TSPAN33: variants seen among roughly 807,000 people sequenced by gnomAD.
TSPAN33 encodes the protein tetraspanin-33.
TSPAN33 carries 27 observed loss-of-function variants against 34.8 expected under a neutral mutation model. The observed-to-expected ratio is 0.78, with a 90% confidence interval of 0.57 to 1.07. The LOEUF (loss-of-function observed/expected upper bound fraction) is 1.07, where lower values mean the gene tolerates loss of function less well. TSPAN33 is among the 50% of genes least tolerant of loss of function. The pLI is 0.00. For missense variants in TSPAN33, 272 were observed against 324.9 expected (o/e 0.84, Z 1.25); for synonymous variants, 119 against 124.2 (o/e 0.96, Z 0.28).
intron 1 of TSPAN33, among the ~76,000 whole-genome samples, chr7:129,151,707 A>C (rs1810597105): frequency 6.6e-6 from 1 of 152,174 alleles, no homozygotes; most frequent in Non-Finnish European, 1.5e-5. Context: ...TCTCCCATGA[A>C]CATTAGTACC....
intron 4 of TSPAN33, among the ~76,000 whole-genome samples, chr7:129,164,255 C>T: frequency 6.6e-6 from 1 of 152,130 alleles, no homozygotes; most frequent in East Asian, 1.9e-4. Flanking sequence ...CTCTGAAAAG[C>T]TTCAACAGCA....
In TSPAN33 at chr7:129,166,950, A is replaced by G. The variant is rs373258146; in HGVS notation, c.588+44A>G. 16 of 1,597,000 alleles carry G rather than the reference A, an allele frequency of 1.0e-5. No homozygotes were observed. The African/African-American group carries it at 2.0e-4, about 20-fold the overall frequency. The stretch of plus-strand genomic sequence containing the variant: ...TCATTTCCTCCTAGGCAGCGAGCTG[A>G]GTCACTTTCTGATGGGGGCAGCTGC... On this transcript the variant is annotated intron_variant, in intron 6 of 7. Transcript: ENST00000486685.
chr7:129,151,470 T>G (rs1810592780), intron 1 of TSPAN33, among the ~76,000 whole-genome samples: 1 of 152,056 alleles, frequency 6.6e-6, no homozygotes, highest in Non-Finnish European at 1.5e-5. Flanking sequence ...GGGAGCTAAT[T>G]TGCCTGTAAT....
intron 4 of TSPAN33, 82 bp from the exon 5 acceptor site, chr7:129,164,392 C>A: frequency 1.7e-6 from 2 of 1,201,978 alleles, no homozygotes; most frequent in Non-Finnish European, 2.5e-6. Context: ...GAAGGATGAT[C>A]CCTGTCTACT....
intron 1 of TSPAN33, among the ~76,000 whole-genome samples, chr7:129,154,257 G>A (rs1410261710): frequency 6.6e-6 from 1 of 152,160 alleles, no homozygotes; most frequent in Non-Finnish European, 1.5e-5. Flanking sequence ...AAGAGGTTGA[G>A]GCTGCAATGA....
chr7:129,145,092 G>A lies in TSPAN33; in HGVS notation c.102+10G>A. On this transcript the variant is annotated intron_variant, in intron 1 of 7. Coordinates refer to ENST00000486685, the MANE Select transcript of TSPAN33 (RefSeq NM_178562.5). Reference sequence around the variant, plus strand: ...CAACATGCTCTTCTGGGTGAGTCTCGGGGTCGAGGGCACCTGGGCGGCGGG... The same window carrying A: ...CAACATGCTCTTCTGGGTGAGTCTCAGGGTCGAGGGCACCTGGGCGGCGGG... The A allele has an allele frequency of 1.4e-6, 1 of 693,552 alleles. No individual in the cohort carries two copies. Among genetic ancestry groups the A allele is most frequent in the Non-Finnish European group, 2.7e-6 (1 of 375,172 alleles). The allele number at this position is 693,552 out of a possible 1,614,324, so 43.0% of individuals were successfully genotyped here. A position where few individuals can be genotyped will look rare whatever the true frequency, so the allele number is the denominator to read the frequency against.
chr7:129,161,849 C>T (rs1475030904), intron 2 of TSPAN33, 113 bp downstream of exon 2: 4 of 1,345,908 alleles, frequency 3.0e-6, no homozygotes, highest in Non-Finnish European at 4.2e-6. Flanking sequence ...GGCAGCCTCC[C>T]TGGAGCCAAA....
intron 6 of TSPAN33, 72 bp downstream of exon 6, chr7:129,166,978 C>CTGGGGA: frequency 6.5e-7 from 1 of 1,541,258 alleles, no homozygotes; most frequent in Non-Finnish European, 8.8e-7. Flanking sequence ...GCAGCTGCTA[C>CTGGGGA]TGGGGATCCC....
Position 129,166,783 on chromosome 7 carries a change from C to T in TSPAN33, c.465C>T (p.Ser155=), listed in dbSNP as rs781070832. The stretch of plus-strand genomic sequence containing the variant: ...TCTGGTGGGTTTTGTTGCAGTTTAG[C>T]TGCTGTGGAGGGATTTCCTACAAGG... ...NLIDFGQKKF[S]CCGGISYKDW... The change falls in exon 6 of 8, where the codon AGC becomes AGT. Residue 155 remains serine (S), a synonymous_variant. Coordinates refer to ENST00000486685, the MANE Select transcript of TSPAN33 (RefSeq NM_178562.5). 8 of 1,613,950 alleles carry T rather than the reference C, an allele frequency of 5.0e-6. No homozygotes were observed. In the Admixed American group the frequency reaches 1.3e-4, roughly 27 times the overall value.
intron 1 of TSPAN33, among the ~76,000 whole-genome samples, chr7:129,146,038 C>T (rs1262927547): frequency 6.6e-6 from 1 of 152,058 alleles, no homozygotes; most frequent in Non-Finnish European, 1.5e-5. Flanking sequence ...CATCCTTCCC[C>T]CATTCACCTC....
Position 129,161,662 on chromosome 7 carries a change from T to G in TSPAN33, c.103-17T>G, listed in dbSNP as rs189615060. 14 of 1,614,006 alleles carry G rather than the reference T, an allele frequency of 8.7e-6. No individual in the cohort carries two copies. In the East Asian group the frequency reaches 2.9e-4, roughly 33 times the overall value. ...TTTCCAGAATCTCAGGGTCTGGCTCTTTTCCTGTCTCCACAGGTGATTTCC... is the reference window on the plus strand; with the variant it reads ...TTTCCAGAATCTCAGGGTCTGGCTCGTTTCCTGTCTCCACAGGTGATTTCC... On this transcript the variant is annotated splice_polypyrimidine_tract_variant and intron_variant, in intron 1 of 7. Transcript: ENST00000486685.
chr7:129,168,396 G>A lies in TSPAN33; in HGVS notation c.*522G>A. 6.3e-6 allele frequency: 1 copy of A among 159,034 alleles called. No homozygotes were observed. The highest frequency in any genetic ancestry group is 1.4e-5 in the Non-Finnish European group (1 of 72,088). The allele number at this position is 159,034 out of a possible 1,614,324, so 9.9% of individuals were successfully genotyped here. A position where few individuals can be genotyped will look rare whatever the true frequency, so the allele number is the denominator to read the frequency against. ...AGAGCCTGGGGGTCGGCTGGGGACAGCCGTATGTGCTAGGTAGGAGTGGAG... is the reference window on the plus strand; with the variant it reads ...AGAGCCTGGGGGTCGGCTGGGGACAACCGTATGTGCTAGGTAGGAGTGGAG... On this transcript the variant is annotated 3_prime_UTR_variant, in exon 8 of 8. Transcript: ENST00000486685.
chr7:129,156,913 TTGAC>T (rs1483387895), intron 1 of TSPAN33, among the ~76,000 whole-genome samples: 15 of 152,344 alleles, frequency 9.8e-5, no homozygotes, highest in African/African-American at 1.7e-4. Context: ...TTTATATAAT[TTGAC>T]TGACAACTTT....
intron 1 of TSPAN33, among the ~76,000 whole-genome samples, chr7:129,154,947 A>G (rs537547493): frequency 6.6e-6 from 1 of 152,312 alleles, no homozygotes; most frequent in East Asian, 1.9e-4. Flanking sequence ...TATTGAAGAG[A>G]CATCTGCACT....
chr7:129,166,660 C>G, intron 5 of TSPAN33, 118 bp from the exon 6 acceptor site: 1 of 1,327,738 alleles, frequency 7.5e-7, no homozygotes, highest in Non-Finnish European at 1.0e-6. Context: ...TGTGTTAAAA[C>G]ACAACCTAAA....
Position 129,148,337 on chromosome 7 carries a change from C to T in TSPAN33, c.102+3255C>T, listed in dbSNP as rs1810548110. Among the ~76,000 whole-genome samples the T allele has an allele frequency of 6.6e-6, 1 of 152,168 alleles. No homozygotes were observed. The highest frequency in any genetic ancestry group is 2.4e-5 in the African/African-American group (1 of 41,432). On this transcript the variant is annotated intron_variant, in intron 1 of 7. Transcript: ENST00000486685. The surrounding 1 kb of genome is among the most constrained non-coding windows in gnomAD (Gnocchi z 4.2). ...TTCTGTATTCTTCTATTGTCACATC[C>T]CTTACCTGTGCTGCAATTGTGTTTA...
At chr7:129,158,123 G>A (rs570582716) in intron 1 of TSPAN33, among the ~76,000 whole-genome samples, 6 of 152,236 alleles carry the variant, frequency 3.9e-5, no homozygotes, top group East Asian at 1.9e-4. Context: ...CTCCATCACC[G>A]TCTCCTTCTC....
chr7:129,161,641 C>T, intron 1 of TSPAN33, 38 bp from the exon 2 acceptor site: 1 of 1,610,838 alleles, frequency 6.2e-7, no homozygotes, highest in South Asian at 1.1e-5. Flanking sequence ...CTCTGGTTTC[C>T]AGAATCTCAG....
In TSPAN33 at chr7:129,165,324, T is replaced by C. The variant is rs1793121942; in HGVS notation, c.459+755T>C. On this transcript the variant is annotated intron_variant, in intron 5 of 7. Transcript: ENST00000486685. This position sits in a 1 kb window ranked among gnomAD's most constrained non-coding sequence, Gnocchi z 4.5. ...TCCATTGAACACTAAAGCCCCATTT[T>C]CCTCTCCTCCAGCAACCACCATTCT... Among the ~76,000 whole-genome samples, 1 of 152,244 alleles carries C rather than the reference T, an allele frequency of 6.6e-6. No homozygotes were observed. The highest frequency in any genetic ancestry group is 2.1e-4 in the South Asian group (1 of 4,828).
Sources: allele counts gnomAD v4.1 joint callset (sites outside exome capture counted in the v4.1 genomes callset), GRCh38; gene constraint gnomAD v4.1.1; non-coding constraint Gnocchi (gnomAD v3.1); transcripts MANE v1.5; gene names NCBI Gene and HGNC (gene_info 2026-07-23, HGNC 2026-07-21).